Variants in C12orf76 observed in about 807,000 individuals in gnomAD.
The protein encoded by C12orf76 is uncharacterized protein C12orf76.
Under a neutral mutation model 6.8 loss-of-function variants are expected in C12orf76, and 6 were observed. That is an observed-to-expected ratio of 0.88 (90% CI 0.48 to 1.73). The LOEUF (loss-of-function observed/expected upper bound fraction) is 1.73. Ranked by LOEUF, C12orf76 falls within the 40% of genes most tolerant of loss-of-function variation. The pLI, the probability that C12orf76 is intolerant of heterozygous loss-of-function variation, is 0.01. For synonymous variants in C12orf76, 56 were observed against 43.7 expected (o/e 1.28, Z -1.11); for missense variants, 99 against 98.2 (o/e 1.01, Z -0.03).
chr12:110,071,219 G>GA (rs1892956801), upstream of C12orf76, among the ~76,000 whole-genome samples: 1 of 152,100 alleles, frequency 6.6e-6, no homozygotes, highest in African/African-American at 2.4e-5. Context: ...GAACAACTTT[G>GA]CATTTATTAG....
chr12:110,065,731 T>C, intron 2 of C12orf76: 1 of 1,532,330 alleles, frequency 6.5e-7, no homozygotes, highest in Non-Finnish European at 9.0e-7. Flanking sequence ...TGAGAGCTTC[T>C]AGAAACATGA....
chr12:110,051,384 C>T (rs1566074619), upstream of C12orf76: 1 of 640,394 alleles, frequency 1.6e-6, no homozygotes, highest in African/African-American at 1.8e-5. Flanking sequence ...TGCCCAGTAT[C>T]TGGCACATAC....
At position 110,054,323 on chromosome 12, in the gene C12orf76, A is replaced by G. The variant is rs908139713; in HGVS notation, n.664+2866T>C. Among the ~76,000 whole-genome samples, 1 of 152,212 alleles carries G rather than the reference A, an allele frequency of 6.6e-6. No individual in the cohort carries two copies. The highest frequency in any genetic ancestry group is 1.5e-5 in the Non-Finnish European group (1 of 68,038). The stretch of plus-strand genomic sequence containing the variant: ...TTCATCTATGGATGAATGGATAGGC[A>G]AAATGTGGTCTATCCATTCAATGAG... On this transcript the variant is annotated intron_variant and non_coding_transcript_variant, in intron 4 of 4. Coordinates refer to the C12orf76 transcript ENST00000309050. This position sits in a 1 kb window ranked among gnomAD's most constrained non-coding sequence, Gnocchi z 4.4.
chr12:110,052,078 A>G (rs1017367128), upstream of C12orf76, among the ~76,000 whole-genome samples: 1 of 143,824 alleles, frequency 7.0e-6, no homozygotes, highest in African/African-American at 2.6e-5. Flanking sequence ...ATTTTTTTTT[A>G]GTAGAGACGG....
In C12orf76 at chr12:110,048,522, G is replaced by C. The variant is rs748398551; in HGVS notation, c.-27C>G. On this transcript the variant is annotated 5_prime_UTR_variant, in exon 1 of 2. Coordinates refer to ENST00000615315, the MANE Select transcript of C12orf76 (RefSeq NM_001389625.1). ...TTCCCCAGCCCTGCAGAAGCAGAGA[G>C]GCCACTTCCGTCGCAAGCCCTGCCT... is the stretch of plus-strand genomic sequence containing the variant. 2.1e-5 allele frequency: 29 copies of C among 1,386,168 alleles called. No homozygotes were observed. The highest frequency in any genetic ancestry group is 2.4e-5 in the Non-Finnish European group (26 of 1,071,976). 85.9% of individuals were successfully genotyped at this position (1,386,168 alleles called of 1,614,324 possible).
chr12:110,056,621 G>A (rs1328379116), intron 4 of C12orf76, among the ~76,000 whole-genome samples: 2 of 152,134 alleles, frequency 1.3e-5, no homozygotes, highest in East Asian at 3.9e-4. Context: ...GAAAGAGTCT[G>A]GGAGGTAGAA....
upstream of C12orf76, among the ~76,000 whole-genome samples, chr12:110,053,188 C>T (rs557500426): frequency 8.3e-4 from 72 of 86,626 alleles, 1 homozygote; most frequent in Middle Eastern, 0.019. Flanking sequence ...TAGACTGTCT[C>T]AAAAAAAAAA....
Position 110,041,430 on chromosome 12 carries a change from T to C in C12orf76, c.*944A>G, listed in dbSNP as rs1272720892. 1 of 152,578 alleles carries C rather than the reference T, an allele frequency of 6.6e-6. No homozygotes were observed. The highest frequency in any genetic ancestry group is 1.9e-4 in the East Asian group (1 of 5,200). The allele number at this position is 152,578 out of a possible 1,614,324, so 9.5% of individuals were successfully genotyped here. ...GACGACAGCTTTATAAGTATGAAAG[T>C]ATCATTTCAATAGGAGGAAAAAATC... On this transcript the variant is annotated 3_prime_UTR_variant, in exon 2 of 2. Transcript: ENST00000615315.
chr12:110,057,806 G>A (rs1178519526), intron 3 of C12orf76, among the ~76,000 whole-genome samples: 2 of 152,092 alleles, frequency 1.3e-5, no homozygotes, highest in African/African-American at 4.8e-5. Flanking sequence ...ACTCACGCCT[G>A]TAATCCCAGC....
In C12orf76 at chr12:110,042,130, T is replaced by C; in HGVS notation, c.*244A>G. 1.8e-6 allele frequency: 1 copy of C among 553,686 alleles called. No individual in the cohort carries two copies. The highest frequency in any genetic ancestry group is 3.0e-5 in the Admixed American group (1 of 32,840). 34.3% of individuals were successfully genotyped at this position (553,686 alleles called of 1,614,324 possible). On this transcript the variant is annotated 3_prime_UTR_variant, in exon 2 of 2. Coordinates refer to ENST00000615315, the MANE Select transcript of C12orf76 (RefSeq NM_001389625.1). ...CACTGACCTTTGGAGCTTTCAGGTC[T>C]TACTTTTAACAAGTACAGTCAGAAA...
chr12:110,056,641 T>A (rs1377229635), intron 4 of C12orf76, among the ~76,000 whole-genome samples: 3 of 152,060 alleles, frequency 2.0e-5, no homozygotes, highest in African/African-American at 7.2e-5. Flanking sequence ...AGAGAGCTAA[T>A]GGGAGAGAAG....
intron 2 of C12orf76, among the ~76,000 whole-genome samples, chr12:110,060,770 T>A (rs1472780268): frequency 6.6e-6 from 1 of 152,154 alleles, no homozygotes; most frequent in Non-Finnish European, 1.5e-5. Context: ...GCGCAGTGGT[T>A]CATGCCTGAA....
upstream of C12orf76, chr12:110,050,880 G>C (rs1892562930): frequency 9.6e-6 from 6 of 624,328 alleles, no homozygotes; most frequent in Middle Eastern, 6.2e-4. Context: ...TCTGGATCGG[G>C]ACCCTTTTCC....
intron 4 of C12orf76, chr12:110,057,150 T>A: frequency 7.1e-7 from 1 of 1,412,362 alleles, no homozygotes; most frequent in Non-Finnish European, 1.0e-6. Context: ...AGAGTCCCAA[T>A]CCACATGCTC....
intron 1 of C12orf76, 65 bp downstream of exon 1, chr12:110,048,298 T>C: frequency 1.4e-6 from 2 of 1,433,888 alleles, no homozygotes; most frequent in East Asian, 2.8e-5. Context: ...CATGCCCGGC[T>C]CCAGCACCCG....
In C12orf76 at chr12:110,041,775, T is replaced by C. The variant is rs879435772; in HGVS notation, c.*599A>G. On this transcript the variant is annotated 3_prime_UTR_variant, in exon 2 of 2. Coordinates refer to ENST00000615315, the MANE Select transcript of C12orf76 (RefSeq NM_001389625.1). ...GAGCATTCCAGGCCAAAGGTGCATA[T>C]AGTAACAGGTCTACCTGATGTGACC... The C allele has an allele frequency of 1.3e-5, 2 of 154,252 alleles. No individual in the cohort carries two copies. Among genetic ancestry groups the C allele is most frequent in the Non-Finnish European group, 2.9e-5 (2 of 69,400 alleles). 9.6% of individuals were successfully genotyped at this position (154,252 alleles called of 1,614,324 possible).
At chr12:110,052,296 T>C (rs890105150), upstream of C12orf76, among the ~76,000 whole-genome samples, 1 of 149,108 alleles carries the variant, frequency 6.7e-6, no homozygotes, top group African/African-American at 2.5e-5. Context: ...TCAGCTCAAG[T>C]CGATCCTCCC....
In C12orf76 at chr12:110,048,491, A is replaced by G; in HGVS notation, c.5T>C (p.Leu2Pro). The part of the protein sequence containing the change: M[L>P]RPALPWLYLG... ...GTACAGCCACGGTAACGCTGGACGC[A>G]GCATCTTCCCCAGCCCTGCAGAAGC... is the stretch of plus-strand genomic sequence containing the variant. Residue 2 changes from leucine to proline, a missense_variant, in exon 1 of 2, where the codon CTG (leucine) becomes CCG (proline). Physicochemically the swap from Leu to Pro is moderately conservative, Grantham distance 98. Transcript: ENST00000615315. 6.9e-7 allele frequency: 1 copy of G among 1,445,762 alleles called. No homozygotes were observed. Among genetic ancestry groups the G allele is most frequent in the Non-Finnish European group, 9.1e-7 (1 of 1,099,894 alleles). The allele number at this position is 1,445,762 out of a possible 1,614,324, so 89.6% of individuals were successfully genotyped here.
intron 2 of C12orf76, among the ~76,000 whole-genome samples, chr12:110,062,582 T>C (rs983779278): frequency 4.6e-5 from 7 of 152,042 alleles, no homozygotes; most frequent in African/African-American, 1.7e-4. Flanking sequence ...GATATGTAAG[T>C]TATACCTCAA....
Sources: allele counts gnomAD v4.1 joint callset (sites outside exome capture counted in the v4.1 genomes callset), GRCh38; gene constraint gnomAD v4.1.1; non-coding constraint Gnocchi (gnomAD v3.1); transcripts MANE v1.5; gene names NCBI Gene and HGNC (gene_info 2026-07-23, HGNC 2026-07-21).